The following PELI2 variants were observed in gnomAD, a reference collection of about 807,000 sequenced individuals.
The protein encoded by PELI2 is pellino E3 ubiquitin protein ligase family member 2.
A neutral mutation model predicts 42.3 loss-of-function variants in PELI2; 23 were observed. The observed-to-expected ratio is 0.54, with a 90% CI of 0.39 to 0.77. The LOEUF is 0.77. Ranked by LOEUF, PELI2 falls within the 30% of genes least tolerant of loss-of-function variation. The pLI is 0.00. For synonymous variants in PELI2, 245 were observed against 212.2 expected, an observed-to-expected ratio of 1.15 and a Z score of -1.34; for missense variants, 463 against 553.2, an observed-to-expected ratio of 0.84 and a Z score of 1.64.
chr14:56,145,484 A>G (rs1455317498), intron 1 of PELI2, among the ~76,000 whole-genome samples: 2 of 152,106 alleles, frequency 1.3e-5, no homozygotes, highest in Non-Finnish European at 2.9e-5. Flanking sequence ...GATCTGTTTC[A>G]GTCACAGAAT....
intron 1 of PELI2, among the ~76,000 whole-genome samples, chr14:56,130,444 T>A (rs1192863966): frequency 2.4e-5 from 3 of 126,284 alleles, no homozygotes; most frequent in Admixed American, 8.7e-5. Context: ...TGTTTTTATT[T>A]TGTTTTTTTT....
chr14:56,268,520 A>G (rs1361528413), intron 2 of PELI2, among the ~76,000 whole-genome samples: 1 of 152,160 alleles, frequency 6.6e-6, no homozygotes, highest in Non-Finnish European at 1.5e-5. Context: ...AAATCCTATC[A>G]TTATTTTAAT....
chr14:56,197,963 G>A lies in PELI2; in HGVS notation c.207+19499G>A, dbSNP rs1886188831. On this transcript the variant is annotated intron_variant, in intron 2 of 5. Coordinates refer to ENST00000267460, the MANE Select transcript of PELI2 (RefSeq NM_021255.3). The surrounding 1 kb of genome is among the most constrained non-coding windows in gnomAD (Gnocchi z 4.9). ...CACACACACACCAGGGATCATGACTGGTGAAGACACACACACACACACACA... is the reference window on the plus strand; with the variant it reads ...CACACACACACCAGGGATCATGACTAGTGAAGACACACACACACACACACA... 8.2e-6 allele frequency among the ~76,000 whole-genome samples: 1 copy of A among 122,456 alleles called. No individual in the cohort carries two copies. The allele number at this position is 122,456 out of a possible 152,430, so 80.3% of individuals were successfully genotyped here.
chr14:56,243,517 A>G (rs766316404), intron 2 of PELI2, among the ~76,000 whole-genome samples: 17 of 152,124 alleles, frequency 1.1e-4, no homozygotes, highest in Non-Finnish European at 1.8e-4. Flanking sequence ...GGATAATACT[A>G]CCTCCTTCTA....
chr14:56,225,761 G>A (rs973762421), intron 2 of PELI2, among the ~76,000 whole-genome samples: 1 of 152,196 alleles, frequency 6.6e-6, no homozygotes, highest in Non-Finnish European at 1.5e-5. Context: ...AACCTATCCA[G>A]AGAAGCCTCT....
At chr14:56,293,853 G>A (rs781198871) in intron 5 of PELI2, among the ~76,000 whole-genome samples, 44 of 152,206 alleles carry the variant, frequency 2.9e-4, no homozygotes, top group Non-Finnish European at 5.0e-4. Flanking sequence ...TGCCCTGCAG[G>A]AGGAAAGGGG....
intron 2 of PELI2, among the ~76,000 whole-genome samples, chr14:56,265,140 C>G (rs1888849853): frequency 6.6e-6 from 1 of 152,112 alleles, no homozygotes; most frequent in South Asian, 2.1e-4. Context: ...TAAACTGATT[C>G]TAAATTTCAT....
chr14:56,152,087 G>A (rs1884381572), intron 1 of PELI2, among the ~76,000 whole-genome samples: 1 of 152,286 alleles, frequency 6.6e-6, no homozygotes, highest in Middle Eastern at 3.4e-3. Flanking sequence ...AAAGGCCAGG[G>A]AATGTGCTTT....
intron 1 of PELI2, among the ~76,000 whole-genome samples, chr14:56,137,785 C>A (rs531853953): frequency 6.6e-6 from 1 of 152,136 alleles, no homozygotes; most frequent in Non-Finnish European, 1.5e-5. Flanking sequence ...TTTAGGGAGT[C>A]GAAAACATTG....
chr14:56,298,776 C>G lies in PELI2; in HGVS notation c.*1610C>G, dbSNP rs1890090066. The stretch of plus-strand genomic sequence containing the variant: ...ATGTAATATGTTTAAAGTTCAGCCT[C>G]TCAGTTTTAATATAGCTTTATTTTT... On this transcript the variant is annotated 3_prime_UTR_variant, in exon 6 of 6. Transcript: ENST00000267460. 2 of 152,554 alleles carry G rather than the reference C, an allele frequency of 1.3e-5. No homozygotes were observed. The highest frequency in any genetic ancestry group is 1.5e-5 in the Non-Finnish European group (1 of 68,034). The allele number at this position is 152,554 out of a possible 1,614,324, so 9.5% of individuals were successfully genotyped here. A position where few individuals can be genotyped will look rare whatever the true frequency, so the allele number is the denominator to read the frequency against.
At chr14:56,188,907 C>T (rs1655448532) in intron 2 of PELI2, among the ~76,000 whole-genome samples, 1 of 152,116 alleles carries the variant, frequency 6.6e-6, no homozygotes, top group Non-Finnish European at 1.5e-5. Context: ...TGTCTGTAAT[C>T]CCAGCACTTT....
intron 2 of PELI2, among the ~76,000 whole-genome samples, chr14:56,187,678 T>C (rs1885815867): frequency 6.6e-6 from 1 of 152,200 alleles, no homozygotes; most frequent in African/African-American, 2.4e-5. Flanking sequence ...TTTGAAGTCC[T>C]CCCATTGCTG....
At chr14:56,160,716 T>TG (rs1884728522) in intron 1 of PELI2, among the ~76,000 whole-genome samples, 1 of 152,198 alleles carries the variant, frequency 6.6e-6, no homozygotes, top group African/African-American at 2.4e-5. Context: ...TTAGACGGGA[T>TG]GCCAGTATTT....
intron 2 of PELI2, among the ~76,000 whole-genome samples, chr14:56,237,187 C>T (rs1024018223): frequency 2.6e-5 from 4 of 152,180 alleles, no homozygotes; most frequent in Admixed American, 1.3e-4. Context: ...ACGTTGTATA[C>T]ATTTTTAGTT....
intron 2 of PELI2, among the ~76,000 whole-genome samples, chr14:56,194,796 C>T (rs1176163430): frequency 6.6e-6 from 1 of 152,138 alleles, no homozygotes; most frequent in African/African-American, 2.4e-5. Flanking sequence ...CCATACCCTT[C>T]TAGCCTCCTT....
At chr14:56,126,038 T>G (rs563916217) in intron 1 of PELI2, among the ~76,000 whole-genome samples, 1 of 152,316 alleles carries the variant, frequency 6.6e-6, no homozygotes, top group African/African-American at 2.4e-5. Flanking sequence ...AGTCAAAGTT[T>G]CCCTGAGAAA....
chr14:56,243,848 T>C (rs1402291791), intron 2 of PELI2, among the ~76,000 whole-genome samples: 2 of 152,266 alleles, frequency 1.3e-5, no homozygotes, highest in South Asian at 2.1e-4. Flanking sequence ...ATCTTTCAGG[T>C]TGATAATTTT....
chr14:56,207,007 G>T (rs1325436444), intron 2 of PELI2, among the ~76,000 whole-genome samples: 1 of 152,058 alleles, frequency 6.6e-6, no homozygotes. Context: ...TGATTACATG[G>T]GTATTCAATT....
chr14:56,189,378 G>C (rs560322061), intron 2 of PELI2, among the ~76,000 whole-genome samples: 1 of 152,292 alleles, frequency 6.6e-6, no homozygotes, highest in East Asian at 1.9e-4. Flanking sequence ...AGATTATGTA[G>C]GACGAGGTAA....
Sources: allele counts gnomAD v4.1 joint callset (sites outside exome capture counted in the v4.1 genomes callset), GRCh38; gene constraint gnomAD v4.1.1; non-coding constraint Gnocchi (gnomAD v3.1); transcripts MANE v1.5; gene names NCBI Gene and HGNC (gene_info 2026-07-23, HGNC 2026-07-21).